The following GRHL3 variants were observed in gnomAD, a reference collection of about 807,000 sequenced individuals.
GRHL3 encodes the protein grainyhead like transcription factor 3.
Under a neutral mutation model 70.3 loss-of-function variants are expected in GRHL3, and 20 were observed. That is an observed-to-expected ratio of 0.28 (90% CI 0.20 to 0.41). The LOEUF is 0.41. Ranked by LOEUF, GRHL3 falls within the 10% of genes least tolerant of loss-of-function variation. The pLI, the probability that GRHL3 is intolerant of heterozygous loss-of-function variation, is 1.00. For synonymous variants in GRHL3, 299 were observed against 299.9 expected (o/e 1.00, Z 0.03); for missense variants, 637 against 762.3 (o/e 0.84, Z 1.94).
chr1:24,350,147 C>G (rs1241994083), intron 15 of GRHL3, 25 bp downstream of exon 15: 7 of 1,599,904 alleles, frequency 4.4e-6, no homozygotes, highest in Non-Finnish European at 6.0e-6. Context: ...CACCCTCCCC[C>G]AGCTGGTTGC....
chr1:24,332,468 C>T (rs1386349838), intron 2 of GRHL3, among the ~76,000 whole-genome samples: 1 of 152,200 alleles, frequency 6.6e-6, no homozygotes, highest in Non-Finnish European at 1.5e-5. Flanking sequence ...CCCCCTCCCA[C>T]CTCCAGTGCG....
intron 15 of GRHL3, among the ~76,000 whole-genome samples, chr1:24,350,747 G>A (rs1640472959): frequency 6.6e-6 from 1 of 152,212 alleles, no homozygotes; most frequent in South Asian, 2.1e-4. Context: ...AGCCAGGGAT[G>A]CTCCACAGGC....
intron 13 of GRHL3, 146 bp downstream of exon 13, chr1:24,346,787 G>A (rs1015770024): frequency 3.2e-6 from 2 of 622,894 alleles, no homozygotes; most frequent in African/African-American, 1.8e-5. Context: ...TGGGGGTGGG[G>A]GTAAGGAGGG....
chr1:24,345,721 C>G (rs1410970534), intron 12 of GRHL3, among the ~76,000 whole-genome samples: 1 of 152,230 alleles, frequency 6.6e-6, no homozygotes, highest in African/African-American at 2.4e-5. Flanking sequence ...TTGTGTCCTT[C>G]CCTCTGTCAG....
Position 24,346,596 on chromosome 1 carries a change from G to A in GRHL3, c.1498G>A (p.Glu500Lys). Residue 500 changes from glutamate (E) to lysine (K), a missense_variant, in exon 13 of 16, where the codon GAG becomes AAG. Glu to Lys is a moderately conservative substitution (Grantham distance 56). Transcript: ENST00000361548. ...CTGCTCGCCCTTCACTGAGGAGTTT[G>A]AGCCTCTGCCCTCCAAGCAGGCCAA... ...RTCSPFTEEF[E>K]PLPSKQAKEG... The A allele has an allele frequency of 2.5e-6, 4 of 1,613,304 alleles. No homozygotes were observed. Among genetic ancestry groups the A allele is most frequent in the Non-Finnish European group, 3.4e-6 (4 of 1,179,636 alleles).
intron 1 of GRHL3, among the ~76,000 whole-genome samples, chr1:24,329,944 A>G (rs1240379877): frequency 1.3e-5 from 2 of 152,226 alleles, no homozygotes; most frequent in Non-Finnish European, 2.9e-5. Context: ...TGATTCTTCA[A>G]AATGTGGTCC....
At chr1:24,364,265 T>G in exon 16 of GRHL3, 2 of 1,548,554 alleles carry the variant, frequency 1.3e-6, no homozygotes, top group Non-Finnish European at 1.7e-6. Flanking sequence ...GTGACTCAAG[T>G]GAGGAACATG....
At chr1:24,350,563 G>C (rs937074971) in intron 15 of GRHL3, among the ~76,000 whole-genome samples, 1 of 152,220 alleles carries the variant, frequency 6.6e-6, no homozygotes, top group Non-Finnish European at 1.5e-5. Context: ...TGACAGATAA[G>C]GAAACTGAGG....
At chr1:24,363,022 A>T (rs1311451749) in intron 15 of GRHL3, among the ~76,000 whole-genome samples, 1 of 152,182 alleles carries the variant, frequency 6.6e-6, no homozygotes, top group Non-Finnish European at 1.5e-5. Flanking sequence ...TGTGGCTGGC[A>T]TCATGGAGAG....
chr1:24,331,660 C>T (rs374773580), intron 2 of GRHL3, 48 bp downstream of exon 2: 2 of 1,539,746 alleles, frequency 1.3e-6, no homozygotes, highest in Non-Finnish European at 1.8e-6. Flanking sequence ...GAATGGGTGT[C>T]TTCACTTCAG....
At chr1:24,347,824 G>GT (rs2148664538) in intron 14 of GRHL3, among the ~76,000 whole-genome samples, 1 of 152,302 alleles carries the variant, frequency 6.6e-6, no homozygotes, top group Non-Finnish European at 1.5e-5. Flanking sequence ...ACAGGCCAGG[G>GT]TTTTTTGTTG....
At chr1:24,362,620 T>C (rs1032179905) in intron 15 of GRHL3, among the ~76,000 whole-genome samples, 3 of 152,210 alleles carry the variant, frequency 2.0e-5, no homozygotes, top group Non-Finnish European at 2.9e-5. Flanking sequence ...GTTGTTATTC[T>C]TCTGATGATC....
Position 24,350,044 on chromosome 1 carries a change from T to C in GRHL3, c.1630-14T>C, listed in dbSNP as rs765386767. 3.7e-6 allele frequency: 6 copies of C among 1,607,556 alleles called. No individual in the cohort carries two copies. Among genetic ancestry groups the C allele is most frequent in the Non-Finnish European group, 5.1e-6 (6 of 1,174,582 alleles). On this transcript the variant is annotated splice_polypyrimidine_tract_variant and intron_variant, in intron 14 of 15. Coordinates refer to ENST00000361548, the MANE Select transcript of GRHL3 (RefSeq NM_198173.3). ...TGGGCAGCAGGCAATGAATCACCTGTCTTTTCCTTCCAGATCTCTGAGAAG... is the reference window on the plus strand; with the variant it reads ...TGGGCAGCAGGCAATGAATCACCTGCCTTTTCCTTCCAGATCTCTGAGAAG...
chr1:24,331,664 A>G (rs1639621600), intron 2 of GRHL3, 52 bp downstream of exon 2: 1 of 1,510,700 alleles, frequency 6.6e-7, no homozygotes, highest in African/African-American at 1.4e-5. Flanking sequence ...GGGTGTCTTC[A>G]CTTCAGGCCT....
At chr1:24,352,080 C>T (rs1267607903) in intron 15 of GRHL3, among the ~76,000 whole-genome samples, 2 of 152,086 alleles carry the variant, frequency 1.3e-5, no homozygotes, top group African/African-American at 4.8e-5. Context: ...ATAGCCAGGG[C>T]ATCACTCAGC....
In GRHL3 at chr1:24,342,054, T is replaced by A; in HGVS notation, c.1048-61T>A. ...GAAAGCTAGAAATACAGGATCACTGTGGGACGGTGGGGCTGGCCACCTGGG... is the reference window on the plus strand; with the variant it reads ...GAAAGCTAGAAATACAGGATCACTGAGGGACGGTGGGGCTGGCCACCTGGG... On this transcript the variant is annotated intron_variant, in intron 8 of 15. Coordinates refer to ENST00000361548, the MANE Select transcript of GRHL3 (RefSeq NM_198173.3). The surrounding 1 kb of genome is among the most constrained non-coding windows in gnomAD (Gnocchi z 4.8). The A allele has an allele frequency of 4.8e-6, 7 of 1,461,380 alleles. No homozygotes were observed. The highest frequency in any genetic ancestry group is 6.5e-6 in the Non-Finnish European group (7 of 1,081,954). 90.5% of individuals were successfully genotyped at this position (1,461,380 alleles called of 1,614,324 possible). A position where few individuals can be genotyped will look rare whatever the true frequency, so the allele number is the denominator to read the frequency against.
Position 24,321,955 on chromosome 1 carries a change from CGCCGACCGCCTGGGT to C in GRHL3, c.17+2388_17+2402del. ...TGCGGCCGAGGGCGCCGGAAGTCGC[CGCCGACCGCCTGGGT>C]CTCGCAGGAAAACAGCCGGCGCCCG... On this transcript the variant is annotated intron_variant, in intron 1 of 15. Transcript: ENST00000361548. The surrounding 1 kb of genome is among the most constrained non-coding windows in gnomAD (Gnocchi z 4.0). 6.6e-6 allele frequency: 1 copy of C among 152,246 alleles called. No individual in the cohort carries two copies. Among genetic ancestry groups the C allele is most frequent in the East Asian group, 1.9e-4 (1 of 5,156 alleles). The allele number at this position is 152,246 out of a possible 1,614,324, so 9.4% of individuals were successfully genotyped here.
intron 13 of GRHL3, 117 bp from the exon 14 acceptor site, chr1:24,347,351 T>C (rs1640329194): frequency 2.2e-6 from 2 of 890,244 alleles, no homozygotes; most frequent in Non-Finnish European, 3.7e-6. Context: ...GCCTCCCAGC[T>C]GGGCAAAGAC....
rs1640073554 is a variant in GRHL3 at position 24,342,291 on chromosome 1, A to T, written c.1206+18A>T. The stretch of plus-strand genomic sequence containing the variant: ...GTGACAAGGTGGCTGGACTGGGCAG[A>T]CCCTATACTGGGTCCCGGGGAGGTA... On this transcript the variant is annotated intron_variant, in intron 9 of 15. Coordinates refer to ENST00000361548, the MANE Select transcript of GRHL3 (RefSeq NM_198173.3). This position sits in a 1 kb window ranked among gnomAD's most constrained non-coding sequence, Gnocchi z 4.8. 8 of 1,580,360 alleles carry T rather than the reference A, an allele frequency of 5.1e-6. No homozygotes were observed. The highest frequency in any genetic ancestry group is 6.9e-6 in the Non-Finnish European group (8 of 1,160,474).
Sources: gnomAD v4.1 joint callset for allele counts (sites outside exome capture counted in the v4.1 genomes callset) on GRCh38, gnomAD v4.1.1 for gene constraint, Gnocchi (gnomAD v3.1) non-coding constraint, MANE v1.5 for transcripts, NCBI Gene and HGNC (gene_info 2026-07-23, HGNC 2026-07-21) for gene names.